OR51B5: variants seen among roughly 807,000 people sequenced by gnomAD.
The protein encoded by OR51B5 is olfactory receptor 51B5.
For missense variants in OR51B5, 456 were observed against 374.6 expected (o/e 1.22, Z -1.79); for synonymous variants, 186 against 144.8 (o/e 1.28, Z -2.04).
intron 1 of OR51B5, among the ~76,000 whole-genome samples, chr11:5,477,730 C>A (rs576272834): frequency 6.6e-6 from 1 of 152,116 alleles, no homozygotes; most frequent in Non-Finnish European, 1.5e-5. Flanking sequence ...GTTCCCTTTC[C>A]GAGTCAAAGA....
At chr11:5,435,803 T>G (rs1471623677) in intron 1 of OR51B5, among the ~76,000 whole-genome samples, 2 of 152,146 alleles carry the variant, frequency 1.3e-5, no homozygotes, top group Non-Finnish European at 2.9e-5. Flanking sequence ...AAATCTGTAG[T>G]TTTTTCTAAC....
At chr11:5,384,415 A>T (rs941232865) in intron 1 of OR51B5, among the ~76,000 whole-genome samples, 5 of 152,328 alleles carry the variant, frequency 3.3e-5, no homozygotes, top group Admixed American at 3.3e-4. Flanking sequence ...TGATATTCTC[A>T]GAGTCTATGC....
At chr11:5,473,281 G>C (rs972097070) in intron 1 of OR51B5, among the ~76,000 whole-genome samples, 2 of 152,174 alleles carry the variant, frequency 1.3e-5, no homozygotes, top group African/African-American at 4.8e-5. Flanking sequence ...AGGAGTCTGA[G>C]GGGTGTTTGA....
intron 1 of OR51B5, among the ~76,000 whole-genome samples, chr11:5,443,397 G>A (rs951913338): frequency 2.6e-5 from 4 of 151,994 alleles, no homozygotes; most frequent in Non-Finnish European, 5.9e-5. Context: ...TCCATTTAAT[G>A]AGTAGTGTTT....
At chr11:5,442,237 G>A (rs970492623) in intron 1 of OR51B5, among the ~76,000 whole-genome samples, 2 of 152,020 alleles carry the variant, frequency 1.3e-5, no homozygotes, top group South Asian at 4.2e-4. Context: ...AATCAAACCA[G>A]GTATGCAGCT....
At chr11:5,434,827 G>A (rs1257617974) in intron 1 of OR51B5, among the ~76,000 whole-genome samples, 1 of 152,056 alleles carries the variant, frequency 6.6e-6, no homozygotes, top group East Asian at 1.9e-4. Flanking sequence ...GGCTGATCTG[G>A]GACTAGAATC....
chr11:5,423,259 G>A, intron 1 of OR51B5: 1 of 1,380,558 alleles, frequency 7.2e-7, no homozygotes, highest in East Asian at 2.5e-5. Context: ...ATAATATTAA[G>A]GCAGTATGAC....
chr11:5,489,732 C>T (rs1439896032), intron 1 of OR51B5: 9 of 1,037,120 alleles, frequency 8.7e-6, no homozygotes, highest in Middle Eastern at 2.1e-4. Flanking sequence ...TACATGGACA[C>T]ACAGTGATGA....
rs1207342677 is a variant in OR51B5 at position 5,358,537 on chromosome 11, G to A, written n.85-11627C>T. ...ACCAAAAACAGTCCAGGACCAGATGGAGTCACAGCCAAATTCTACCAGAGG... is the reference window on the plus strand; with the variant it reads ...ACCAAAAACAGTCCAGGACCAGATGAAGTCACAGCCAAATTCTACCAGAGG... On this transcript the variant is annotated intron_variant and non_coding_transcript_variant, in intron 1 of 4. Coordinates refer to the OR51B5 transcript ENST00000415970. 3.9e-5 allele frequency among the ~76,000 whole-genome samples: 6 copies of A among 152,296 alleles called. No homozygotes were observed. The East Asian group carries it at 9.6e-4, about 24-fold the overall frequency.
chr11:5,428,288 A>C (rs535968078), intron 1 of OR51B5, among the ~76,000 whole-genome samples: 1 of 152,178 alleles, frequency 6.6e-6, no homozygotes, highest in Non-Finnish European at 1.5e-5. Flanking sequence ...AAAGAGTCAT[A>C]CTTAAAATTT....
chr11:5,447,847 C>T (rs1238740200), intron 1 of OR51B5, among the ~76,000 whole-genome samples: 5 of 152,140 alleles, frequency 3.3e-5, no homozygotes, highest in African/African-American at 1.2e-4. Flanking sequence ...TAGAACCAGC[C>T]TTACCATGCC....
intron 1 of OR51B5, among the ~76,000 whole-genome samples, chr11:5,400,794 A>C (rs991956140): frequency 1.3e-5 from 2 of 152,236 alleles, no homozygotes; most frequent in Admixed American, 6.5e-5. Context: ...AAGGTCCTTG[A>C]CATAGAGGTG....
intron 1 of OR51B5, among the ~76,000 whole-genome samples, chr11:5,358,215 A>C (rs910150317): frequency 6.6e-6 from 1 of 152,116 alleles, no homozygotes; most frequent in African/African-American, 2.4e-5. Flanking sequence ...CTGGTTTTTC[A>C]AAAAGATCAA....
intron 1 of OR51B5, among the ~76,000 whole-genome samples, chr11:5,363,237 T>A (rs903688150): frequency 1.3e-4 from 19 of 143,120 alleles, no homozygotes; most frequent in African/African-American, 3.9e-4. Context: ...ACCCAACCCC[T>A]CACACACACA....
intron 1 of OR51B5, among the ~76,000 whole-genome samples, chr11:5,461,187 G>A (rs1213869623): frequency 6.6e-6 from 1 of 152,202 alleles, no homozygotes; most frequent in Non-Finnish European, 1.5e-5. Context: ...GATGACTGGG[G>A]TCCCCAGTGC....
At chr11:5,368,417 G>A (rs537132678) in intron 1 of OR51B5, among the ~76,000 whole-genome samples, 1 of 152,088 alleles carries the variant, frequency 6.6e-6, no homozygotes, top group Non-Finnish European at 1.5e-5. Context: ...TATGTCTAAC[G>A]TGTTCAATAG....
At chr11:5,465,754 T>G (rs964415277) in intron 1 of OR51B5, among the ~76,000 whole-genome samples, 1 of 144,368 alleles carries the variant, frequency 6.9e-6, no homozygotes, top group African/African-American at 2.6e-5. Context: ...TGGCTAGCCA[T>G]ATGTAGAAAG....
chr11:5,474,509 T>TTC (rs1481026511), intron 1 of OR51B5, among the ~76,000 whole-genome samples: 1 of 152,202 alleles, frequency 6.6e-6, no homozygotes, highest in Non-Finnish European at 1.5e-5. Context: ...TAAATTGTTT[T>TTC]TGGAGATTGA....
intron 1 of OR51B5, among the ~76,000 whole-genome samples, chr11:5,363,074 T>G (rs753628073): frequency 1.7e-3 from 263 of 151,658 alleles, no homozygotes; most frequent in Middle Eastern, 6.9e-3. Flanking sequence ...ATGTGCTAAG[T>G]AGATGTCTGA....
Sources: gnomAD v4.1 joint callset for allele counts (sites outside exome capture counted in the v4.1 genomes callset) on GRCh38, gnomAD v4.1.1 for gene constraint, MANE v1.5 for transcripts, NCBI Gene and HGNC (gene_info 2026-07-23, HGNC 2026-07-21) for gene names.